TAFA1: variants seen among roughly 807,000 people sequenced by gnomAD.
TAFA1 encodes chemokine-like protein TAFA-1.
A neutral mutation model predicts 18.5 loss-of-function variants in TAFA1; 4 were observed. That is an observed-to-expected ratio of 0.22 (90% CI 0.11 to 0.49). The LOEUF (loss-of-function observed/expected upper bound fraction) is 0.49. Among genes scored for constraint, TAFA1 ranks in the 20% least tolerant of loss-of-function variants. The pLI, the probability that TAFA1 is intolerant of heterozygous loss-of-function variation, is 0.98. For synonymous variants in TAFA1, 56 were observed against 55.2 expected (o/e 1.01, Z -0.06); for missense variants, 147 against 169.0 (o/e 0.87, Z 0.72).
intron 2 of TAFA1, among the ~76,000 whole-genome samples, chr3:68,297,712 T>C (rs1468348493): frequency 6.6e-6 from 1 of 152,140 alleles, no homozygotes; most frequent in Non-Finnish European, 1.5e-5. Context: ...CCTCTCCTGA[T>C]ATCAGTGGGA....
chr3:68,321,896 T>C (rs1014187618), intron 2 of TAFA1, among the ~76,000 whole-genome samples: 8 of 152,224 alleles, frequency 5.3e-5, no homozygotes, highest in African/African-American at 1.9e-4. Context: ...ATCACTTTCT[T>C]CTCTCTTCCA....
chr3:68,401,171 T>G (rs2106746617), intron 2 of TAFA1, among the ~76,000 whole-genome samples: 1 of 152,148 alleles, frequency 6.6e-6, no homozygotes, highest in South Asian at 2.1e-4. Flanking sequence ...GTGGAGGAAG[T>G]CATGAGTCCA....
In TAFA1 at chr3:68,417,554, C is replaced by T. The variant is rs966585843; in HGVS notation, c.259+134C>T. 1.4e-4 allele frequency: 112 copies of T among 787,202 alleles called. 1 individual carries two copies. In the South Asian group the frequency reaches 2.2e-3, roughly 16 times the overall value. 48.8% of individuals were successfully genotyped at this position (787,202 alleles called of 1,614,324 possible). A position where few individuals can be genotyped will look rare whatever the true frequency, so the allele number is the denominator to read the frequency against. On this transcript the variant is annotated intron_variant, in intron 3 of 4. Transcript: ENST00000478136. ...AAGTGTTAGAAAGTTATACAATTGC[C>T]AGCCTCAGCAGAGTTTGAATTCTTT...
chr3:68,111,780 A>AGAGAG (rs377007942), intron 2 of TAFA1, among the ~76,000 whole-genome samples: 3,129 of 145,988 alleles, frequency 0.021, 54 homozygotes, highest in Non-Finnish European at 0.028. Flanking sequence ...ACACATGAGA[A>AGAGAG]AGAGAGAGAG....
chr3:68,039,457 A>G (rs1364929765), intron 2 of TAFA1, among the ~76,000 whole-genome samples: 1 of 152,168 alleles, frequency 6.6e-6, no homozygotes, highest in African/African-American at 2.4e-5. Flanking sequence ...CTAGGCTTTT[A>G]TATAATATAT....
At chr3:68,018,999 A>G (rs1423053683) in intron 2 of TAFA1, among the ~76,000 whole-genome samples, 2 of 152,368 alleles carry the variant, frequency 1.3e-5, no homozygotes, top group East Asian at 3.9e-4. Flanking sequence ...AAATGTGCTT[A>G]ATAAGTATAA....
intron 4 of TAFA1, among the ~76,000 whole-genome samples, chr3:68,544,160 G>A (rs979745426): frequency 2.6e-5 from 4 of 152,000 alleles, no homozygotes; most frequent in African/African-American, 9.7e-5. Context: ...CAAGCAGGAG[G>A]CTCTTTCCAG....
intron 2 of TAFA1, among the ~76,000 whole-genome samples, chr3:68,020,218 T>C (rs113814486): frequency 0.015 from 2,211 of 152,300 alleles, 24 homozygotes; most frequent in Middle Eastern, 0.037. Context: ...GGCAAAGAGT[T>C]GATTTGCTTG....
intron 2 of TAFA1, among the ~76,000 whole-genome samples, chr3:68,178,323 T>G (rs2066152135): frequency 6.6e-6 from 1 of 152,254 alleles, no homozygotes; most frequent in African/African-American, 2.4e-5. Flanking sequence ...GACATGCTGA[T>G]TCAATGCTGG....
At chr3:68,431,792 G>A (rs2071178621) in intron 3 of TAFA1, among the ~76,000 whole-genome samples, 1 of 151,980 alleles carries the variant, frequency 6.6e-6, no homozygotes, top group Non-Finnish European at 1.5e-5. Flanking sequence ...ATTAAAGAAG[G>A]AAGAAGTTTT....
chr3:68,543,194 G>A (rs193189219), intron 4 of TAFA1, among the ~76,000 whole-genome samples: 161 of 152,196 alleles, frequency 1.1e-3, no homozygotes, highest in Admixed American at 9.2e-4. Flanking sequence ...GAGTCCCTAG[G>A]TTTACTTGCC....
At chr3:68,453,349 C>T (rs895968900) in intron 3 of TAFA1, among the ~76,000 whole-genome samples, 2 of 152,110 alleles carry the variant, frequency 1.3e-5, no homozygotes, top group African/African-American at 2.4e-5. Flanking sequence ...AAAAATGGTG[C>T]ATGTTGTAAA....
chr3:68,384,210 TC>T (rs1255044727), intron 2 of TAFA1, among the ~76,000 whole-genome samples: 1 of 152,022 alleles, frequency 6.6e-6, no homozygotes, highest in Admixed American at 6.6e-5. Flanking sequence ...TTATTTCTTG[TC>T]TTCTGCTAGC....
rs548986202 is a variant in TAFA1, at chr3:68,523,510, C to T, written c.260-15246C>T. Among the ~76,000 whole-genome samples, 129 of 152,226 alleles carry T rather than the reference C, an allele frequency of 8.5e-4. 1 individual carries two copies. The highest frequency in any genetic ancestry group is 3.0e-3 in the African/African-American group (123 of 41,524). On this transcript the variant is annotated intron_variant, in intron 3 of 4. Coordinates refer to ENST00000478136, the MANE Select transcript of TAFA1 (RefSeq NM_213609.4). Reference sequence around the variant, plus strand: ...ATCAGGAAAGTGAGTAGTCAATGATCAAGAAGCCATGAAAAAATGCCCTGT... The same window carrying T: ...ATCAGGAAAGTGAGTAGTCAATGATTAAGAAGCCATGAAAAAATGCCCTGT...
the TAFA1 span, among the ~76,000 whole-genome samples, chr3:67,994,589 C>T: frequency 6.6e-6 from 1 of 152,072 alleles, no homozygotes; most frequent in African/African-American, 2.4e-5. Flanking sequence ...TGGTTTGATT[C>T]AAAAAAGGAC....
chr3:68,343,177 T>G (rs1371999243), intron 2 of TAFA1, among the ~76,000 whole-genome samples: 1 of 152,230 alleles, frequency 6.6e-6, no homozygotes, highest in Non-Finnish European at 1.5e-5. Context: ...TCTAAATTGC[T>G]GGCATTTTAA....
chr3:68,470,500 C>T (rs1351769258), intron 3 of TAFA1, among the ~76,000 whole-genome samples: 1 of 152,108 alleles, frequency 6.6e-6, no homozygotes, highest in Non-Finnish European at 1.5e-5. Context: ...AATGTCTTTG[C>T]ATAAAATGCT....
intron 2 of TAFA1, among the ~76,000 whole-genome samples, chr3:68,169,039 T>G (rs13097074): frequency 0.19 from 29,163 of 152,218 alleles, 3,165 homozygotes; most frequent in Middle Eastern, 0.29. Context: ...TCCTAAACAG[T>G]GTCTTAGACA....
At chr3:68,044,929 T>C (rs972242873) in intron 2 of TAFA1, among the ~76,000 whole-genome samples, 3 of 152,254 alleles carry the variant, frequency 2.0e-5, no homozygotes, top group Non-Finnish European at 2.9e-5. Context: ...CGTAATTGTA[T>C]GAATCGGCTA....
Sources: gnomAD v4.1 joint callset for allele counts (sites outside exome capture counted in the v4.1 genomes callset) on GRCh38, gnomAD v4.1.1 for gene constraint, MANE v1.5 for transcripts, NCBI Gene and HGNC (gene_info 2026-07-23, HGNC 2026-07-21) for gene names.